The following OR14I1 variants were observed in gnomAD, a reference collection of about 807,000 sequenced individuals.
The protein encoded by OR14I1 is olfactory receptor family 14 subfamily I member 1.
For synonymous variants in OR14I1, 118 were observed against 71.1 expected, an observed-to-expected ratio of 1.66 and a Z score of -3.32; for missense variants, 279 against 181.8, an observed-to-expected ratio of 1.53 and a Z score of -3.07.
At chr1:248,697,680 G>T in the OR14I1 span, among the ~76,000 whole-genome samples, 1 of 152,280 alleles carries the variant, frequency 6.6e-6, no homozygotes, top group African/African-American at 2.4e-5. Flanking sequence ...CTACTCGGGA[G>T]ACTGAGGCAG....
chr1:248,696,714 T>C, the OR14I1 span, among the ~76,000 whole-genome samples: 151 of 152,318 alleles, frequency 9.9e-4, 1 homozygote, highest in African/African-American at 3.4e-3. Flanking sequence ...CCCCGTGAAT[T>C]ATCCCTACCC....
the OR14I1 span, among the ~76,000 whole-genome samples, chr1:248,702,110 C>T: frequency 6.6e-6 from 1 of 152,064 alleles, no homozygotes; most frequent in Admixed American, 6.5e-5. Flanking sequence ...GGGAGAAATC[C>T]ACCCCCATGA....
chr1:248,698,287 A>C, the OR14I1 span, among the ~76,000 whole-genome samples: 1 of 152,242 alleles, frequency 6.6e-6, no homozygotes, highest in Admixed American at 6.5e-5. Flanking sequence ...AGATGAAATC[A>C]TCGAGAGCGT....
At chr1:248,684,843 G>C (rs1661620252), upstream of OR14I1, among the ~76,000 whole-genome samples, 1 of 47,190 alleles carries the variant, frequency 2.1e-5, no homozygotes, top group Non-Finnish European at 8.3e-5. Context: ...CAATAAATGG[G>C]GTAGCGGAGG....
the OR14I1 span, among the ~76,000 whole-genome samples, chr1:248,695,524 C>T: frequency 6.6e-6 from 1 of 152,136 alleles, no homozygotes; most frequent in Non-Finnish European, 1.5e-5. Context: ...TGAGCCACTG[C>T]GCCCGGCCGA....
upstream of OR14I1, among the ~76,000 whole-genome samples, chr1:248,684,245 C>T (rs1299583051): frequency 6.6e-6 from 1 of 152,208 alleles, no homozygotes; most frequent in Non-Finnish European, 1.5e-5. Context: ...TTCAACTTTA[C>T]TAGTTATGGA....
the OR14I1 span, among the ~76,000 whole-genome samples, chr1:248,689,083 C>T: frequency 2.0e-5 from 3 of 152,156 alleles, no homozygotes; most frequent in Admixed American, 6.5e-5. Flanking sequence ...TCTTGGGACA[C>T]GCGGTCCTTT....
chr1:248,685,112 T>A (rs1661626357), upstream of OR14I1, among the ~76,000 whole-genome samples: 1 of 151,944 alleles, frequency 6.6e-6, no homozygotes, highest in Non-Finnish European at 1.5e-5. Context: ...GCTTGTAAAA[T>A]TCAGTGAAAA....
chr1:248,687,925 C>T, the OR14I1 span, among the ~76,000 whole-genome samples: 15 of 152,198 alleles, frequency 9.9e-5, no homozygotes, highest in African/African-American at 3.6e-4. Context: ...TACAATAATA[C>T]AAATCTCACT....
chr1:248,696,745 G>C, the OR14I1 span, among the ~76,000 whole-genome samples: 2 of 152,016 alleles, frequency 1.3e-5, no homozygotes, highest in Non-Finnish European at 2.9e-5. Flanking sequence ...GTCCTGTTTT[G>C]TCTCTCTCCG....
At chr1:248,692,057 C>G in the OR14I1 span, 6 of 152,378 alleles carry the variant, frequency 3.9e-5, no homozygotes, top group African/African-American at 1.4e-4. Flanking sequence ...CGCGGGAGCG[C>G]GGGCCCGGCC....
At chr1:248,681,845 C>T (rs772876095) in exon 1 of OR14I1, 3 of 780,868 alleles carry the variant, frequency 3.8e-6, no homozygotes, top group Admixed American at 3.4e-5. Context: ...TGGACGGCTG[C>T]GTAGGAAAAG....
At chr1:248,691,343 G>A in the OR14I1 span, among the ~76,000 whole-genome samples, 1 of 152,182 alleles carries the variant, frequency 6.6e-6, no homozygotes, top group South Asian at 2.1e-4. Context: ...TCTCAAGGAG[G>A]TGTGAGTATG....
chr1:248,697,605 A>C, the OR14I1 span, among the ~76,000 whole-genome samples: 1 of 152,032 alleles, frequency 6.6e-6, no homozygotes, highest in Non-Finnish European at 1.5e-5. Flanking sequence ...ACCAACATGG[A>C]GAAACCCCGT....
the OR14I1 span, among the ~76,000 whole-genome samples, chr1:248,693,499 T>G: frequency 6.6e-6 from 1 of 152,218 alleles, no homozygotes; most frequent in African/African-American, 2.4e-5. Flanking sequence ...TTAGGATTTT[T>G]GATAAGATAA....
At chr1:248,693,898 T>A in the OR14I1 span, among the ~76,000 whole-genome samples, 62 of 148,640 alleles carry the variant, frequency 4.2e-4, no homozygotes, top group African/African-American at 1.6e-3. Flanking sequence ...CCAGAACTTT[T>A]TAAAAAAAAA....
chr1:248,678,547 A>G (rs1418481346), downstream of OR14I1, among the ~76,000 whole-genome samples: 1 of 152,252 alleles, frequency 6.6e-6, no homozygotes, highest in Non-Finnish European at 1.5e-5. Flanking sequence ...GAAGTCTCAA[A>G]GGAAAATGTT....
At chr1:248,687,416 T>A in the OR14I1 span, among the ~76,000 whole-genome samples, 1 of 152,314 alleles carries the variant, frequency 6.6e-6, no homozygotes, top group Non-Finnish European at 1.5e-5. Context: ...GAGACAATCA[T>A]CATGCTTCTC....
At chr1:248,681,621 T>G (rs769051158) in exon 1 of OR14I1, 1 of 781,056 alleles carries the variant, frequency 1.3e-6, no homozygotes, top group Admixed American at 1.7e-5. Context: ...GACTCTGTCC[T>G]GAAGGGATTC....
Sources: gnomAD v4.1 joint callset for allele counts (sites outside exome capture counted in the v4.1 genomes callset) on GRCh38, gnomAD v4.1.1 for gene constraint, MANE v1.5 for transcripts, NCBI Gene and HGNC (gene_info 2026-07-23, HGNC 2026-07-21) for gene names.